Variants in SSBP2 observed in about 807,000 individuals in gnomAD.
SSBP2 encodes the protein single stranded DNA binding protein 2, also known as single-stranded DNA-binding protein 2.
SSBP2 carries 17 observed loss-of-function variants against 61.8 expected under a neutral mutation model. The ratio of observed to expected loss-of-function variants is 0.28; its 90% CI spans 0.19 to 0.41. The LOEUF (loss-of-function observed/expected upper bound fraction) is 0.41. Among genes scored for constraint, SSBP2 ranks in the 10% least tolerant of loss-of-function variants. The pLI is 1.00. For synonymous variants in SSBP2, 139 were observed against 141.3 expected, an observed-to-expected ratio of 0.98 and a Z score of 0.12; for missense variants, 310 against 458.7, an observed-to-expected ratio of 0.68 and a Z score of 2.96.
intron 4 of SSBP2, among the ~76,000 whole-genome samples, chr5:81,543,017 T>C (rs1771423518): frequency 6.6e-6 from 1 of 151,620 alleles, no homozygotes; most frequent in African/African-American, 2.4e-5. Context: ...ACCATGCCCA[T>C]TTAATTTTTG....
In SSBP2 at chr5:81,578,791, T is replaced by C. The variant is rs1007530651; in HGVS notation, c.282+36682A>G. The stretch of plus-strand genomic sequence containing the variant: ...TTCTATAGATCTCTTCATTTTTTTT[T>C]TCTAGACTTCTGTTCTTTAGTAGCT... On this transcript the variant is annotated intron_variant, in intron 4 of 16. Coordinates refer to ENST00000320672, the MANE Select transcript of SSBP2 (RefSeq NM_012446.5). 3.3e-5 allele frequency among the ~76,000 whole-genome samples: 5 copies of C among 151,978 alleles called. 1 individual carries two copies. Among genetic ancestry groups the C allele is most frequent in the African/African-American group, 9.7e-5 (4 of 41,418 alleles).
At chr5:81,634,972 A>G (rs1748064437) in intron 3 of SSBP2, among the ~76,000 whole-genome samples, 1 of 152,148 alleles carries the variant, frequency 6.6e-6, no homozygotes, top group Admixed American at 6.5e-5. Context: ...TTCCCTATAG[A>G]CTGTTATCAA....
At chr5:81,608,754 C>A (rs1581156949) in intron 4 of SSBP2, among the ~76,000 whole-genome samples, 1 of 151,774 alleles carries the variant, frequency 6.6e-6, no homozygotes, top group Non-Finnish European at 1.5e-5. Context: ...TAACCAAGAA[C>A]CCTTGAGAAT....
At position 81,473,751 on chromosome 5, in the gene SSBP2, C is replaced by T. The variant is rs373198784; in HGVS notation, c.519G>A (p.Gly173=). 1 of 1,613,866 alleles carries T rather than the reference C, an allele frequency of 6.2e-7. No individual in the cohort carries two copies. Among genetic ancestry groups the T allele is most frequent in the Non-Finnish European group, 8.5e-7 (1 of 1,179,850 alleles). Residue 173 remains glycine (G), a synonymous_variant, in exon 8 of 17, where the codon GGG becomes GGA. Coordinates refer to ENST00000320672, the MANE Select transcript of SSBP2 (RefSeq NM_012446.5). ...TTGGAGGAGTCATTCTCTGCATTGG[C>T]CCACCCATATTTGGATGTCCTAAAA...
intron 8 of SSBP2, among the ~76,000 whole-genome samples, chr5:81,469,381 T>C (rs1468037123): frequency 6.6e-6 from 1 of 151,986 alleles, no homozygotes; most frequent in East Asian, 1.9e-4. Flanking sequence ...GCTAACTCTT[T>C]TTTTTTCTTT....
intron 1 of SSBP2, among the ~76,000 whole-genome samples, chr5:81,653,382 A>G (rs934119192): frequency 2.0e-5 from 3 of 152,208 alleles, no homozygotes; most frequent in Admixed American, 6.5e-5. Flanking sequence ...AGTCTTCGCT[A>G]TTGTGAATAG....
chr5:81,572,165 T>C (rs1243487676), intron 4 of SSBP2, among the ~76,000 whole-genome samples: 1 of 152,176 alleles, frequency 6.6e-6, no homozygotes, highest in East Asian at 1.9e-4. Context: ...CTAAAGAATA[T>C]AAGTTAATGG....
chr5:81,704,909 G>A (rs754144512), intron 1 of SSBP2, among the ~76,000 whole-genome samples: 8 of 149,876 alleles, frequency 5.3e-5, no homozygotes, highest in East Asian at 2.0e-4. Context: ...AATATTTAAC[G>A]TGTTAATCTA....
At chr5:81,649,160 T>C (rs1233404146) in intron 2 of SSBP2, among the ~76,000 whole-genome samples, 1 of 152,138 alleles carries the variant, frequency 6.6e-6, no homozygotes, top group Non-Finnish European at 1.5e-5. Context: ...GAGCCAGTTA[T>C]ATAAACACTC....
At chr5:81,583,289 T>C (rs557822388) in intron 4 of SSBP2, among the ~76,000 whole-genome samples, 1 of 151,984 alleles carries the variant, frequency 6.6e-6, no homozygotes, top group African/African-American at 2.4e-5. Context: ...TTACATCAAA[T>C]AAAAAATAGG....
intron 11 of SSBP2, 115 bp downstream of exon 11, chr5:81,448,675 T>C: frequency 1.0e-6 from 1 of 967,366 alleles, no homozygotes; most frequent in South Asian, 1.4e-5. Context: ...CAACTCAAGA[T>C]GTTCACTTCT....
chr5:81,466,072 T>C (rs1580755069), intron 9 of SSBP2, among the ~76,000 whole-genome samples: 1 of 152,038 alleles, frequency 6.6e-6, no homozygotes, highest in East Asian at 1.9e-4. Flanking sequence ...AGTTGTTTAA[T>C]TTGATATATA....
chr5:81,682,923 T>C (rs754057272), intron 1 of SSBP2, among the ~76,000 whole-genome samples: 11 of 152,094 alleles, frequency 7.2e-5, no homozygotes, highest in Non-Finnish European at 1.3e-4. Context: ...ATTAGCACCC[T>C]AGAAATGAGA....
intron 1 of SSBP2, among the ~76,000 whole-genome samples, chr5:81,676,730 A>G (rs535543064): frequency 6.6e-6 from 1 of 152,266 alleles, no homozygotes; most frequent in East Asian, 1.9e-4. Flanking sequence ...TATCTTTGTT[A>G]TAGAAATTAC....
At chr5:81,570,403 T>C (rs547982494) in intron 4 of SSBP2, among the ~76,000 whole-genome samples, 203 of 152,326 alleles carry the variant, frequency 1.3e-3, no homozygotes, top group South Asian at 8.9e-3. Context: ...ACACAAATTA[T>C]AGAACTTTTG....
intron 10 of SSBP2, among the ~76,000 whole-genome samples, chr5:81,458,906 C>G (rs1301455025): frequency 6.6e-6 from 1 of 152,130 alleles, no homozygotes; most frequent in Admixed American, 6.6e-5. Flanking sequence ...TTTGGATGCT[C>G]AGGATGATGA....
Position 81,442,738 on chromosome 5 carries a change from TAC to T in SSBP2, c.779-17_779-16del. On this transcript the variant is annotated splice_polypyrimidine_tract_variant and intron_variant, in intron 12 of 16. Coordinates refer to ENST00000320672, the MANE Select transcript of SSBP2 (RefSeq NM_012446.5). ...GTTGGTTGAATCTGAAACAAAATAT[TAC>T]TTAATTAAAATATTTCTTTAGAGTC... 1 of 1,397,318 alleles carries T rather than the reference TAC, an allele frequency of 7.2e-7. No homozygotes were observed. Among genetic ancestry groups the T allele is most frequent in the Non-Finnish European group, 9.9e-7 (1 of 1,007,068 alleles). The allele number at this position is 1,397,318 out of a possible 1,614,324, so 86.6% of individuals were successfully genotyped here.
intron 4 of SSBP2, among the ~76,000 whole-genome samples, chr5:81,583,102 C>A (rs1391595492): frequency 6.6e-6 from 1 of 151,834 alleles, no homozygotes; most frequent in Non-Finnish European, 1.5e-5. Flanking sequence ...GTGGTATGTA[C>A]CACCATGGGA....
chr5:81,746,330 G>A (rs1757345925), intron 1 of SSBP2, among the ~76,000 whole-genome samples: 1 of 151,952 alleles, frequency 6.6e-6, no homozygotes, highest in African/African-American at 2.4e-5. Flanking sequence ...AGACTGAAAG[G>A]GGGAGGGGCA....
Sources: gnomAD v4.1 joint callset for allele counts (sites outside exome capture counted in the v4.1 genomes callset) on GRCh38, gnomAD v4.1.1 for gene constraint, MANE v1.5 for transcripts, NCBI Gene and HGNC (gene_info 2026-07-23, HGNC 2026-07-21) for gene names.